Variants in SLC7A14 observed in about 807,000 individuals in gnomAD.
SLC7A14 encodes gamma-aminobutyric acid transporter SLC7A14.
SLC7A14 carries 37 observed loss-of-function variants against 60.2 expected under a neutral mutation model. That is an observed-to-expected ratio of 0.61 (90% CI 0.47 to 0.81). SLC7A14 has a LOEUF of 0.81. SLC7A14 is among the 30% of genes least tolerant of loss of function. The pLI is 0.00. For synonymous variants in SLC7A14, 399 were observed against 395.8 expected (o/e 1.01, Z -0.10); for missense variants, 886 against 982.7 (o/e 0.90, Z 1.32).
chr3:170,534,729 C>T (rs903769394), intron 1 of SLC7A14, among the ~76,000 whole-genome samples: 2 of 151,994 alleles, frequency 1.3e-5, no homozygotes, highest in Admixed American at 6.6e-5. Flanking sequence ...CAACACCAGG[C>T]AGAACAAAAT....
chr3:170,523,407 C>A (rs1216319368), intron 2 of SLC7A14, among the ~76,000 whole-genome samples: 1 of 152,198 alleles, frequency 6.6e-6, no homozygotes, highest in Admixed American at 6.5e-5. Context: ...ACCTGATTGA[C>A]AATTCCAATT....
rs1713531659 is a variant in SLC7A14, at chr3:170,527,069, C to G, written c.-133G>C. The G allele has an allele frequency of 1.1e-6, 1 of 924,458 alleles. No homozygotes were observed. Among genetic ancestry groups the G allele is most frequent in the African/African-American group, 1.7e-5 (1 of 59,844 alleles). The allele number at this position is 924,458 out of a possible 1,614,324, so 57.3% of individuals were successfully genotyped here. ...AAGGCCCAGAGGGACCCAGTGCAGC[C>G]TTCTCCTGGGCATGAATGTCTGCAG... is the stretch of plus-strand genomic sequence containing the variant. On this transcript the variant is annotated 5_prime_UTR_variant, in exon 2 of 8. Coordinates refer to ENST00000231706, the MANE Select transcript of SLC7A14 (RefSeq NM_020949.3).
chr3:170,483,621 G>A (rs1288385108), intron 5 of SLC7A14, 99 bp from the exon 6 acceptor site: 10 of 1,275,364 alleles, frequency 7.8e-6, no homozygotes, highest in Non-Finnish European at 1.1e-5. Context: ...TGGAGGCAGA[G>A]GCTTGCATGG....
intron 2 of SLC7A14, among the ~76,000 whole-genome samples, chr3:170,506,651 G>T (rs962289435): frequency 2.0e-5 from 3 of 152,164 alleles, no homozygotes; most frequent in African/African-American, 7.2e-5. Context: ...TACATGCAAT[G>T]TTGACCTTTC....
intron 7 of SLC7A14, among the ~76,000 whole-genome samples, chr3:170,469,767 A>G (rs1323413735): frequency 2.0e-5 from 3 of 151,972 alleles, no homozygotes; most frequent in South Asian, 2.1e-4. Flanking sequence ...TATTATGCCA[A>G]TTCTTTCCTT....
At chr3:170,533,686 GTGTGTGCACGCACACACA>G (rs1370065219) in intron 1 of SLC7A14, among the ~76,000 whole-genome samples, 15 of 151,734 alleles carry the variant, frequency 9.9e-5, no homozygotes, top group East Asian at 2.0e-4. Flanking sequence ...TGTGGTGTGT[GTGTGTGCACGCACACACA>G]TGTGTGCACA....
intron 1 of SLC7A14, among the ~76,000 whole-genome samples, chr3:170,560,556 AT>A (rs1714618656): frequency 6.6e-6 from 1 of 152,178 alleles, no homozygotes. Flanking sequence ...CAGACTTATT[AT>A]TTAAGTAGCA....
At chr3:170,584,231 A>G (rs1262361536) in intron 1 of SLC7A14, among the ~76,000 whole-genome samples, 1 of 152,222 alleles carries the variant, frequency 6.6e-6, no homozygotes, top group East Asian at 1.9e-4. Context: ...ACAAACATAC[A>G]GGGCTGCTTA....
rs963459708 is a variant in SLC7A14, at chr3:170,480,040, G to T, written c.1993+249C>A. 2.6e-5 allele frequency among the ~76,000 whole-genome samples: 4 copies of T among 152,172 alleles called. No individual in the cohort carries two copies. In the East Asian group the frequency reaches 7.7e-4, roughly 29 times the overall value. On this transcript the variant is annotated intron_variant, in intron 7 of 7. Coordinates refer to ENST00000231706, the MANE Select transcript of SLC7A14 (RefSeq NM_020949.3). ...GGTATTAATTATCCTGATATAGAAA[G>T]AACTTTCAGTAATTCAGTAAAGCGA... is the stretch of plus-strand genomic sequence containing the variant.
At chr3:170,492,037 C>T (rs564110000) in intron 4 of SLC7A14, among the ~76,000 whole-genome samples, 1 of 152,238 alleles carries the variant, frequency 6.6e-6, no homozygotes, top group Non-Finnish European at 1.5e-5. Context: ...AGCAAATGGT[C>T]CCTGGTTGGT....
At chr3:170,537,753 G>T (rs1713892267) in intron 1 of SLC7A14, among the ~76,000 whole-genome samples, 1 of 152,200 alleles carries the variant, frequency 6.6e-6, no homozygotes, top group Non-Finnish European at 1.5e-5. Context: ...CGCTGAAGTG[G>T]TTTATTTGAG....
intron 2 of SLC7A14, among the ~76,000 whole-genome samples, chr3:170,507,132 A>G (rs1408782094): frequency 6.6e-6 from 1 of 152,244 alleles, no homozygotes; most frequent in Non-Finnish European, 1.5e-5. Context: ...TTTCCCATTA[A>G]TATGTAACTT....
intron 1 of SLC7A14, among the ~76,000 whole-genome samples, chr3:170,540,757 A>G (rs939632000): frequency 2.0e-5 from 3 of 152,190 alleles, no homozygotes; most frequent in Admixed American, 1.3e-4. Flanking sequence ...GGAATGCCAG[A>G]TGTTGTCTGG....
At chr3:170,512,550 T>C (rs1713011614) in intron 2 of SLC7A14, among the ~76,000 whole-genome samples, 1 of 151,726 alleles carries the variant, frequency 6.6e-6, no homozygotes, top group African/African-American at 2.4e-5. Flanking sequence ...TACAAACTTC[T>C]ACCACTTTTA....
At chr3:170,569,844 G>A (rs983833504) in intron 1 of SLC7A14, among the ~76,000 whole-genome samples, 2 of 151,974 alleles carry the variant, frequency 1.3e-5, no homozygotes, top group Admixed American at 6.6e-5. Context: ...TTTCTGTGGG[G>A]TCGGTGGTGA....
chr3:170,570,584 T>C (rs1254913713), intron 1 of SLC7A14: 1 of 152,170 alleles, frequency 6.6e-6, no homozygotes, highest in Non-Finnish European at 1.5e-5. Flanking sequence ...ATATCTCTTG[T>C]AAGTGATTTC....
chr3:170,471,971 G>A (rs561858962), intron 7 of SLC7A14, among the ~76,000 whole-genome samples: 2 of 152,268 alleles, frequency 1.3e-5, no homozygotes, highest in Admixed American at 1.3e-4. Context: ...GTGTCCTGGA[G>A]GCTCCTCTGT....
In SLC7A14 at chr3:170,501,363, AC is replaced by A; in HGVS notation, c.305-19del. 6.2e-7 allele frequency: 1 copy of A among 1,606,042 alleles called. No individual in the cohort carries two copies. On this transcript the variant is annotated intron_variant, in intron 2 of 7. Coordinates refer to ENST00000231706, the MANE Select transcript of SLC7A14 (RefSeq NM_020949.3). Reference sequence around the variant, plus strand: ...GCAGACGCCTGCAAGGGACAGACATACACAGATGGTGGACTTCAGGAGATGA... The same window carrying A: ...GCAGACGCCTGCAAGGGACAGACATAACAGATGGTGGACTTCAGGAGATGA...
Position 170,526,746 on chromosome 3 carries a change from C to T in SLC7A14, c.191G>A (p.Gly64Asp), listed in dbSNP as rs140384927. 5.6e-6 allele frequency: 9 copies of T among 1,614,244 alleles called. No homozygotes were observed. The highest frequency in any genetic ancestry group is 1.6e-4 in the Middle Eastern group (1 of 6,062). ...TTVDLISLGV[G>D]SCVGTGMYVV... is the part of the protein sequence containing the mutation. ...ATACATGCCAGTGCCCACACAGCTGCCAACGCCAAGAGAGATGAGGTCCAC... is the reference window on the plus strand; with the variant it reads ...ATACATGCCAGTGCCCACACAGCTGTCAACGCCAAGAGAGATGAGGTCCAC... Residue 64 changes from glycine (G) to aspartate (D), a missense_variant, in exon 2 of 8, where the codon GGC (glycine) becomes GAC (aspartate). Physicochemically the swap from Gly to Asp is moderately conservative, Grantham distance 94. Coordinates refer to ENST00000231706, the MANE Select transcript of SLC7A14 (RefSeq NM_020949.3).
Sources: allele counts gnomAD v4.1 joint callset (sites outside exome capture counted in the v4.1 genomes callset), GRCh38; gene constraint gnomAD v4.1.1; transcripts MANE v1.5; gene names NCBI Gene and HGNC (gene_info 2026-07-23, HGNC 2026-07-21).